Variants in ANTXR1 observed in about 807,000 individuals in gnomAD.
ANTXR1 encodes anthrax toxin receptor 1.
A neutral mutation model predicts 78.1 loss-of-function variants in ANTXR1; 19 were observed. The ratio of observed to expected loss-of-function variants is 0.24; its 90% CI spans 0.17 to 0.36. ANTXR1 has a LOEUF of 0.36. Ranked by LOEUF, ANTXR1 falls within the 10% of genes least tolerant of loss-of-function variation. The pLI, the probability that ANTXR1 is intolerant of heterozygous loss-of-function variation, is 1.00. For missense variants in ANTXR1, 518 were observed against 718.6 expected, an observed-to-expected ratio of 0.72 and a Z score of 3.19; for synonymous variants, 273 against 260.5, an observed-to-expected ratio of 1.05 and a Z score of -0.46.
At chr2:69,045,900 A>G (rs571448043) in intron 3 of ANTXR1, among the ~76,000 whole-genome samples, 1 of 152,258 alleles carries the variant, frequency 6.6e-6, no homozygotes, top group African/African-American at 2.4e-5. Context: ...TCCCAAGAAT[A>G]GCAAACAGAA....
At chr2:69,059,647 T>C (rs1467750079) in intron 3 of ANTXR1, among the ~76,000 whole-genome samples, 1 of 152,222 alleles carries the variant, frequency 6.6e-6, no homozygotes, top group African/African-American at 2.4e-5. Flanking sequence ...CCCGGCTAAT[T>C]TGAAGTATGT....
At chr2:69,077,271 C>T (rs1670761705) in intron 7 of ANTXR1, 137 bp from the exon 8 acceptor site, 1 of 881,060 alleles carries the variant, frequency 1.1e-6, no homozygotes, top group African/African-American at 1.6e-5. Context: ...AGGGCAGCCC[C>T]TGAGCCCAGT....
chr2:69,156,280 G>A (rs1673523042), intron 13 of ANTXR1, among the ~76,000 whole-genome samples: 1 of 152,182 alleles, frequency 6.6e-6, no homozygotes, highest in Non-Finnish European at 1.5e-5. Flanking sequence ...AAGCTGTGCT[G>A]TCAGAAATCC....
At chr2:69,155,666 G>A (rs1005766779) in intron 13 of ANTXR1, among the ~76,000 whole-genome samples, 5 of 152,146 alleles carry the variant, frequency 3.3e-5, no homozygotes, top group Admixed American at 2.0e-4. Context: ...GTGTAGGGGG[G>A]AAAGTCATCA....
chr2:69,132,214 TG>T (rs1439421329), intron 12 of ANTXR1, among the ~76,000 whole-genome samples: 15 of 152,334 alleles, frequency 9.8e-5, no homozygotes, highest in African/African-American at 3.4e-4. Flanking sequence ...TGCTGCCAGC[TG>T]GGGCTGAGGA....
At chr2:69,084,706 C>G (rs1284143318) in intron 8 of ANTXR1, among the ~76,000 whole-genome samples, 1 of 149,896 alleles carries the variant, frequency 6.7e-6, no homozygotes, top group Non-Finnish European at 1.5e-5. Flanking sequence ...GCTGGACTTA[C>G]AGGCATGAGC....
At chr2:69,073,735 G>A (rs947821986) in intron 6 of ANTXR1, among the ~76,000 whole-genome samples, 15 of 152,130 alleles carry the variant, frequency 9.9e-5, no homozygotes, top group African/African-American at 3.1e-4. Context: ...GAAAACTAAT[G>A]TTTATACTTA....
intron 17 of ANTXR1, among the ~76,000 whole-genome samples, chr2:69,237,076 T>G (rs1675782841): frequency 6.6e-6 from 1 of 152,240 alleles, no homozygotes; most frequent in South Asian, 2.1e-4. Context: ...CATTAATTCT[T>G]GACAGACCTT....
intron 16 of ANTXR1, among the ~76,000 whole-genome samples, chr2:69,187,700 G>A (rs571231497): frequency 6.9e-6 from 1 of 145,006 alleles, no homozygotes; most frequent in Non-Finnish European, 1.5e-5. Context: ...TGATTCTCCT[G>A]CCTCAGCCTC....
chr2:69,235,510 G>A (rs1675735636), intron 17 of ANTXR1, among the ~76,000 whole-genome samples: 3 of 151,938 alleles, frequency 2.0e-5, no homozygotes, highest in Admixed American at 2.0e-4. Context: ...CAATTAGCCA[G>A]GTGTGGTGGT....
intron 12 of ANTXR1, among the ~76,000 whole-genome samples, chr2:69,132,354 G>A (rs1362838496): frequency 6.6e-6 from 1 of 152,210 alleles, no homozygotes; most frequent in East Asian, 1.9e-4. Context: ...AGTCTTTGGA[G>A]GAAATTTCCA....
intron 9 of ANTXR1, among the ~76,000 whole-genome samples, chr2:69,099,302 A>T (rs1671534247): frequency 6.6e-6 from 1 of 152,178 alleles, no homozygotes; most frequent in Non-Finnish European, 1.5e-5. Context: ...ATTTCTTTTG[A>T]TGGCTCAATA....
At chr2:69,136,075 T>C (rs1370787777) in intron 12 of ANTXR1, among the ~76,000 whole-genome samples, 1 of 152,160 alleles carries the variant, frequency 6.6e-6, no homozygotes, top group Non-Finnish European at 1.5e-5. Flanking sequence ...TATCATGATA[T>C]AATGGGCAGT....
chr2:69,106,445 G>T (rs12611797), intron 10 of ANTXR1, among the ~76,000 whole-genome samples: 36,638 of 152,168 alleles, frequency 0.24, 5,424 homozygotes, highest in Non-Finnish European at 0.33. Context: ...AGTCACAGGG[G>T]CTCCAGGCCA....
In ANTXR1 at chr2:69,166,591, T is replaced by C. The variant is rs1395734417; in HGVS notation, c.1048-3657T>C. 3.9e-5 allele frequency among the ~76,000 whole-genome samples: 6 copies of C among 152,306 alleles called. No homozygotes were observed. The East Asian group carries it at 1.2e-3, about 29-fold the overall frequency. On this transcript the variant is annotated intron_variant, in intron 13 of 17. Coordinates refer to ENST00000303714, the MANE Select transcript of ANTXR1 (RefSeq NM_032208.3). ...CTGCAGAGTAGAAATGTGAAAAATGTTCTCAGATTTACTCCCATACTACCA... is the reference window on the plus strand; with the variant it reads ...CTGCAGAGTAGAAATGTGAAAAATGCTCTCAGATTTACTCCCATACTACCA...
chr2:69,096,165 G>C (rs1165225966), intron 9 of ANTXR1, among the ~76,000 whole-genome samples: 2 of 151,630 alleles, frequency 1.3e-5, no homozygotes, highest in African/African-American at 2.4e-5. Flanking sequence ...GGCTGAGGCA[G>C]GAGAATGGCA....
At chr2:69,120,143 G>A (rs1283693339) in intron 10 of ANTXR1, among the ~76,000 whole-genome samples, 1 of 152,190 alleles carries the variant, frequency 6.6e-6, no homozygotes, top group Non-Finnish European at 1.5e-5. Context: ...CCCTATGGTT[G>A]GGCAAAATCA....
At chr2:69,203,845 C>T (rs1205216904) in intron 17 of ANTXR1, among the ~76,000 whole-genome samples, 1 of 152,140 alleles carries the variant, frequency 6.6e-6, no homozygotes, top group Non-Finnish European at 1.5e-5. Context: ...TCCCAAACAG[C>T]TGCAACAACA....
intron 3 of ANTXR1, among the ~76,000 whole-genome samples, chr2:69,068,419 G>T (rs1051313165): frequency 6.6e-6 from 1 of 152,228 alleles, no homozygotes; most frequent in East Asian, 1.9e-4. Flanking sequence ...CTCTGAGCAA[G>T]TGGCATTTAA....
Sources: gnomAD v4.1 joint callset for allele counts (sites outside exome capture counted in the v4.1 genomes callset) on GRCh38, gnomAD v4.1.1 for gene constraint, MANE v1.5 for transcripts, NCBI Gene and HGNC (gene_info 2026-07-23, HGNC 2026-07-21) for gene names.